TNIP3: variants seen among roughly 807,000 people sequenced by gnomAD.
TNIP3 encodes the protein TNFAIP3 interacting protein 3.
TNIP3 carries 34 observed loss-of-function variants against 54.1 expected under a neutral mutation model. The observed-to-expected ratio is 0.63, with a 90% CI of 0.48 to 0.84. TNIP3 has a LOEUF of 0.84. TNIP3 is among the 40% of genes least tolerant of loss of function. The probability of loss-of-function intolerance (pLI) is 0.00; values close to 1 mark genes in which losing one functional copy is unlikely to be tolerated. For missense variants in TNIP3, 366 were observed against 387.6 expected, an observed-to-expected ratio of 0.94 and a Z score of 0.47; for synonymous variants, 134 against 136.8, an observed-to-expected ratio of 0.98 and a Z score of 0.14.
At chr4:121,164,993 C>T (rs1311177907), upstream of TNIP3, among the ~76,000 whole-genome samples, 1 of 151,842 alleles carries the variant, frequency 6.6e-6, no homozygotes, top group Non-Finnish European at 1.5e-5. Flanking sequence ...GTGGAAATGG[C>T]AGATACTTGG....
At chr4:121,189,404 G>C (rs1361089664) in intron 2 of TNIP3, among the ~76,000 whole-genome samples, 1 of 152,188 alleles carries the variant, frequency 6.6e-6, no homozygotes. Flanking sequence ...CAAACATCAG[G>C]AATCTGGGTG....
At position 121,157,239 on chromosome 4, in the gene TNIP3, G is replaced by T. The variant is rs1730170152; in HGVS notation, c.218C>A (p.Ala73Glu). The T allele has an allele frequency of 6.2e-7, 1 of 1,613,936 alleles. No individual in the cohort carries two copies. The highest frequency in any genetic ancestry group is 1.3e-5 in the African/African-American group (1 of 74,888). ...GGCGTCCAGTTTCGTCTTCAGCTCT[G>T]CTACCTGAGGAGGTCGTTCAAAGAC... Reference protein sequence around the residue: ...SMKELYERKVAELKTKLDAAE... With the variant: ...SMKELYERKVEELKTKLDAAE... Residue 73 changes from alanine (A) to glutamate (E), a missense_variant, in exon 4 of 11, where the codon GCA becomes GAA. By Grantham distance (107) the Ala-to-Glu change is moderately radical. Coordinates refer to ENST00000057513, the MANE Select transcript of TNIP3 (RefSeq NM_024873.6).
intron 2 of TNIP3, among the ~76,000 whole-genome samples, chr4:121,207,025 T>C (rs1353526380): frequency 6.6e-6 from 1 of 152,112 alleles, no homozygotes; most frequent in African/African-American, 2.4e-5. Flanking sequence ...GGCAAAAAAA[T>C]GTGATCAGGT....
chr4:121,154,480 G>T, intron 5 of TNIP3, 71 bp downstream of exon 5: 1 of 1,585,264 alleles, frequency 6.3e-7, no homozygotes. Context: ...AGATTTTGTT[G>T]CGACTGTCAG....
At chr4:121,141,305 T>C (rs1353953292) in intron 9 of TNIP3, among the ~76,000 whole-genome samples, 1 of 152,220 alleles carries the variant, frequency 6.6e-6, no homozygotes, top group Non-Finnish European at 1.5e-5. Context: ...TTTCATTTTG[T>C]CTGGGAAGAC....
chr4:121,209,268 C>G (rs578227007), intron 2 of TNIP3, among the ~76,000 whole-genome samples: 1 of 152,344 alleles, frequency 6.6e-6, no homozygotes, highest in East Asian at 1.9e-4. Context: ...GAGTCCTTCT[C>G]ATGAATTACC....
At chr4:121,216,406 T>A in intron 2 of TNIP3, 1 of 1,532,870 alleles carries the variant, frequency 6.5e-7, no homozygotes, top group Non-Finnish European at 8.7e-7. Flanking sequence ...CCAAATAAAC[T>A]GTTATTACCT....
At chr4:121,166,122 C>T (rs1201329024), upstream of TNIP3, among the ~76,000 whole-genome samples, 1 of 152,098 alleles carries the variant, frequency 6.6e-6, no homozygotes, top group African/African-American at 2.4e-5. Flanking sequence ...CTTGAGTCTC[C>T]CCTGTAAAAT....
intron 2 of TNIP3, among the ~76,000 whole-genome samples, chr4:121,206,054 G>A: frequency 6.6e-6 from 1 of 152,038 alleles, no homozygotes; most frequent in East Asian, 1.9e-4. Context: ...GAACAGCATG[G>A]GGGTAACTAC....
At chr4:121,182,909 T>G in intron 2 of TNIP3, 4 of 1,046,512 alleles carry the variant, frequency 3.8e-6, no homozygotes, top group Non-Finnish European at 5.4e-6. Flanking sequence ...GATACTTCTC[T>G]ACGATCTCCC....
chr4:121,166,700 G>A (rs546082886), upstream of TNIP3, among the ~76,000 whole-genome samples: 26 of 152,332 alleles, frequency 1.7e-4, no homozygotes, highest in African/African-American at 6.0e-4. Context: ...AGTCCAAGAG[G>A]AGAGTACTAT....
chr4:121,144,401 GT>G, intron 7 of TNIP3, among the ~76,000 whole-genome samples: 1 of 151,806 alleles, frequency 6.6e-6, no homozygotes, highest in East Asian at 1.9e-4. Flanking sequence ...GCGTTTTTTT[GT>G]TTTTTTCTTT....
At chr4:121,204,046 AT>A (rs769797053) in intron 2 of TNIP3, among the ~76,000 whole-genome samples, 24 of 151,752 alleles carry the variant, frequency 1.6e-4, no homozygotes, top group Non-Finnish European at 2.8e-4. Context: ...TTATGAAAAA[AT>A]CTCTGACTAT....
intron 2 of TNIP3, among the ~76,000 whole-genome samples, chr4:121,214,796 A>G (rs1726692381): frequency 6.6e-6 from 1 of 152,208 alleles, no homozygotes; most frequent in Admixed American, 6.5e-5. Context: ...CCTGTGATGT[A>G]AATTTCAATT....
chr4:121,142,683 G>C, intron 8 of TNIP3, 43 bp downstream of exon 8: 2 of 1,536,898 alleles, frequency 1.3e-6, no homozygotes. Flanking sequence ...GAGAAATGCT[G>C]TACATGGGAA....
At chr4:121,158,548 T>A (rs2148813101) in intron 3 of TNIP3, 139 bp downstream of exon 3, 1 of 721,458 alleles carries the variant, frequency 1.4e-6, no homozygotes, top group African/African-American at 1.8e-5. Flanking sequence ...AATACTACAC[T>A]TAGCACCCTT....
chr4:121,155,621 G>A lies in TNIP3; in HGVS notation c.364-942C>T, dbSNP rs143165548. ...TTTTAAACAACTGAAGGTTAGCTGC[G>A]TAAACATCAACAGGCTCTGGATTCA... On this transcript the variant is annotated intron_variant, in intron 4 of 10. Transcript: ENST00000057513. Among the ~76,000 whole-genome samples the A allele has an allele frequency of 5.5e-4, 84 of 152,242 alleles. 1 individual carries two copies. The highest frequency in any genetic ancestry group is 1.8e-3 in the African/African-American group (74 of 41,534).
In TNIP3 at chr4:121,131,945, T is replaced by G. The variant is rs1237509408; in HGVS notation, c.*686A>C. ...CCACTGCACCCAGCCCAAGACTTTATCTTTCATAATCAAGTCTTGTGATGC... is the reference window on the plus strand; with the variant it reads ...CCACTGCACCCAGCCCAAGACTTTAGCTTTCATAATCAAGTCTTGTGATGC... On this transcript the variant is annotated 3_prime_UTR_variant, in exon 11 of 11. Coordinates refer to ENST00000057513, the MANE Select transcript of TNIP3 (RefSeq NM_024873.6). 1 of 152,166 alleles carries G rather than the reference T, an allele frequency of 6.6e-6. No individual in the cohort carries two copies. The highest frequency in any genetic ancestry group is 1.5e-5 in the Non-Finnish European group (1 of 68,066). The allele number at this position is 152,166 out of a possible 1,614,324, so 9.4% of individuals were successfully genotyped here.
At chr4:121,190,771 A>G (rs894740252) in intron 2 of TNIP3, among the ~76,000 whole-genome samples, 2 of 152,214 alleles carry the variant, frequency 1.3e-5, no homozygotes, top group Non-Finnish European at 2.9e-5. Context: ...GTTGAGCTCA[A>G]TACTCCCCGA....
Sources: allele counts gnomAD v4.1 joint callset (sites outside exome capture counted in the v4.1 genomes callset), GRCh38; gene constraint gnomAD v4.1.1; transcripts MANE v1.5; gene names NCBI Gene and HGNC (gene_info 2026-07-23, HGNC 2026-07-21).